The following KCNAB1 variants were observed in gnomAD, a reference collection of about 807,000 sequenced individuals.
KCNAB1 encodes potassium voltage-gated channel subfamily A regulatory beta subunit 1.
In KCNAB1, 35 loss-of-function variants were observed where a neutral mutation model predicts 64.6. The observed-to-expected ratio is 0.54, with a 90% confidence interval of 0.41 to 0.72. The LOEUF (loss-of-function observed/expected upper bound fraction) is 0.72, where lower values mean the gene tolerates loss of function less well. Among genes scored for constraint, KCNAB1 ranks in the 30% least tolerant of loss-of-function variants. The pLI is 0.00. For synonymous variants in KCNAB1, 177 were observed against 183.8 expected (o/e 0.96, Z 0.30); for missense variants, 401 against 512.9 (o/e 0.78, Z 2.11).
intron 1 of KCNAB1, among the ~76,000 whole-genome samples, chr3:156,151,686 C>A (rs1715421129): frequency 6.6e-6 from 1 of 152,168 alleles, no homozygotes; most frequent in Non-Finnish European, 1.5e-5. Context: ...CACATCATGG[C>A]TTTTTAGTCC....
intron 1 of KCNAB1, among the ~76,000 whole-genome samples, chr3:156,251,473 T>C (rs1717824535): frequency 6.6e-6 from 1 of 152,144 alleles, no homozygotes; most frequent in Non-Finnish European, 1.5e-5. Context: ...ACTGAAACTA[T>C]ATGGAATATC....
chr3:156,496,204 T>C (rs559928242), intron 8 of KCNAB1, among the ~76,000 whole-genome samples: 1 of 152,204 alleles, frequency 6.6e-6, no homozygotes, highest in Non-Finnish European at 1.5e-5. Flanking sequence ...AAAATATTAT[T>C]ATTGTTTTAA....
At chr3:156,533,706 G>C (rs1331209670) in intron 13 of KCNAB1, among the ~76,000 whole-genome samples, 2 of 152,086 alleles carry the variant, frequency 1.3e-5, no homozygotes, top group Non-Finnish European at 2.9e-5. Context: ...GGCCATGGAG[G>C]GGGAGAGAAA....
chr3:156,278,957 TTTTA>T (rs757658033), intron 1 of KCNAB1, among the ~76,000 whole-genome samples: 69 of 152,114 alleles, frequency 4.5e-4, no homozygotes, highest in South Asian at 1.5e-3. Context: ...TTTTATTTAT[TTTTA>T]TTTATTTTTT....
chr3:156,386,373 C>T (rs1444602291), intron 1 of KCNAB1, among the ~76,000 whole-genome samples: 1 of 152,148 alleles, frequency 6.6e-6, no homozygotes, highest in Admixed American at 6.5e-5. Flanking sequence ...CACAAATGCC[C>T]ATCTGAGGCT....
intron 1 of KCNAB1, among the ~76,000 whole-genome samples, chr3:156,229,562 A>G (rs115496408): frequency 3.2e-4 from 48 of 152,378 alleles, no homozygotes; most frequent in South Asian, 1.0e-3. Flanking sequence ...GACAACACTT[A>G]TTCATCCTGA....
intron 1 of KCNAB1, among the ~76,000 whole-genome samples, chr3:156,358,855 A>G (rs1314683320): frequency 6.6e-6 from 1 of 152,182 alleles, no homozygotes; most frequent in Non-Finnish European, 1.5e-5. Context: ...TGATGAATGG[A>G]AAGCTCTCAA....
chr3:156,143,807 C>G (rs545927409), intron 1 of KCNAB1, among the ~76,000 whole-genome samples: 1 of 150,638 alleles, frequency 6.6e-6, no homozygotes, highest in East Asian at 1.9e-4. Flanking sequence ...TTAATGCTGC[C>G]TGGGATTCAA....
intron 1 of KCNAB1, among the ~76,000 whole-genome samples, chr3:156,242,054 G>T (rs1469433101): frequency 6.6e-6 from 1 of 152,232 alleles, no homozygotes; most frequent in East Asian, 1.9e-4. Context: ...TAAATCTCTG[G>T]AAGCTTATCG....
At chr3:156,526,246 C>T (rs1718301587) in intron 12 of KCNAB1, among the ~76,000 whole-genome samples, 1 of 152,126 alleles carries the variant, frequency 6.6e-6, no homozygotes, top group African/African-American at 2.4e-5. Flanking sequence ...TGCATAAGTA[C>T]CCTATGATGT....
chr3:156,529,034 G>T (rs1002398979), intron 12 of KCNAB1, among the ~76,000 whole-genome samples: 8 of 152,160 alleles, frequency 5.3e-5, no homozygotes, highest in Non-Finnish European at 1.2e-4. Context: ...GATGGTGAGG[G>T]CCTGAGTGAG....
At chr3:156,320,594 C>A (rs1363234758) in intron 1 of KCNAB1, among the ~76,000 whole-genome samples, 1 of 152,142 alleles carries the variant, frequency 6.6e-6, no homozygotes, top group East Asian at 1.9e-4. Flanking sequence ...GGGAGGCTAC[C>A]GCAGCAGGAC....
At chr3:156,163,323 C>T (rs1161547439) in intron 1 of KCNAB1, among the ~76,000 whole-genome samples, 1 of 152,022 alleles carries the variant, frequency 6.6e-6, no homozygotes, top group Non-Finnish European at 1.5e-5. Context: ...TTAAGGTTGT[C>T]TTTGTTTTAT....
At chr3:156,210,016 T>C (rs1285676544) in intron 1 of KCNAB1, among the ~76,000 whole-genome samples, 1 of 152,236 alleles carries the variant, frequency 6.6e-6, no homozygotes. Context: ...CAATACATTG[T>C]GCCAGTTTCC....
intron 1 of KCNAB1, among the ~76,000 whole-genome samples, chr3:156,383,834 C>A (rs1324291697): frequency 6.6e-6 from 1 of 152,210 alleles, no homozygotes; most frequent in Admixed American, 6.5e-5. Flanking sequence ...TTTCCAACAG[C>A]GTTTTTCGCC....
chr3:156,509,116 TATC>T (rs1364695312), intron 8 of KCNAB1, among the ~76,000 whole-genome samples: 1 of 151,970 alleles, frequency 6.6e-6, no homozygotes, highest in Non-Finnish European at 1.5e-5. Context: ...AGAGAGTAGA[TATC>T]ATACTAGCTA....
chr3:156,422,724 G>A (rs1185088292), intron 2 of KCNAB1, among the ~76,000 whole-genome samples: 1 of 152,208 alleles, frequency 6.6e-6, no homozygotes. Flanking sequence ...GCAAGTAGAT[G>A]CTGTTTAAGC....
Position 156,537,250 on chromosome 3 carries a change from AAAGC to A in KCNAB1, c.*505_*508del, listed in dbSNP as rs1047022699. On this transcript the variant is annotated 3_prime_UTR_variant, in exon 14 of 14. Coordinates refer to ENST00000490337, the MANE Select transcript of KCNAB1 (RefSeq NM_172160.3). ...AAATATATCTCACTGCAAAAAAAAAAAAGCAGTATCTTCACTCAAAAGTCTTGCT... is the reference window on the plus strand; with the variant it reads ...AAATATATCTCACTGCAAAAAAAAAAAGTATCTTCACTCAAAAGTCTTGCT... The A allele has an allele frequency of 8.5e-5, 33 of 390,192 alleles. No individual in the cohort carries two copies. The highest frequency in any genetic ancestry group is 5.4e-4 in the African/African-American group (26 of 48,328). 24.2% of individuals were successfully genotyped at this position (390,192 alleles called of 1,614,324 possible).
intron 1 of KCNAB1, chr3:156,176,716 G>A (rs1712397423): frequency 6.3e-6 from 6 of 957,884 alleles, no homozygotes; most frequent in Non-Finnish European, 5.2e-6. Flanking sequence ...TCCCCTTCAT[G>A]TCCAGAGAGC....
Sources: gnomAD v4.1 joint callset for allele counts (sites outside exome capture counted in the v4.1 genomes callset) on GRCh38, gnomAD v4.1.1 for gene constraint, MANE v1.5 for transcripts, NCBI Gene and HGNC (gene_info 2026-07-23, HGNC 2026-07-21) for gene names.